Variants in PPP2R2B observed in about 807,000 individuals in gnomAD.
PPP2R2B encodes serine/threonine-protein phosphatase 2A 55 kDa regulatory subunit B beta isoform.
In PPP2R2B, 5 loss-of-function variants were observed where a neutral mutation model predicts 46.0. The observed-to-expected ratio is 0.11, with a 90% CI of 0.06 to 0.23. The LOEUF is 0.23. Among genes scored for constraint, PPP2R2B ranks in the 10% least tolerant of loss-of-function variants. The pLI is 1.00. For missense variants in PPP2R2B, 367 were observed against 575.0 expected, an observed-to-expected ratio of 0.64 and a Z score of 3.70; for synonymous variants, 215 against 206.7, an observed-to-expected ratio of 1.04 and a Z score of -0.34.
intron 1 of PPP2R2B, among the ~76,000 whole-genome samples, chr5:146,953,291 A>T (rs1051887877): frequency 1.3e-5 from 2 of 152,154 alleles, no homozygotes; most frequent in Admixed American, 1.3e-4. Context: ...TTACACAGAC[A>T]TATTTATATT....
intron 2 of PPP2R2B, among the ~76,000 whole-genome samples, chr5:146,776,030 T>C (rs1344657896): frequency 6.6e-6 from 1 of 152,146 alleles, no homozygotes; most frequent in African/African-American, 2.4e-5. Flanking sequence ...GACTTAATAC[T>C]GTTAAGATGA....
At chr5:146,609,186 T>C (rs1772599394) in intron 7 of PPP2R2B, among the ~76,000 whole-genome samples, 1 of 152,152 alleles carries the variant, frequency 6.6e-6, no homozygotes, top group Non-Finnish European at 1.5e-5. Flanking sequence ...AAACTGGATA[T>C]AGAAGAAACG....
chr5:147,034,241 T>C (rs1755930794), intron 1 of PPP2R2B, among the ~76,000 whole-genome samples: 1 of 152,224 alleles, frequency 6.6e-6, no homozygotes, highest in African/African-American at 2.4e-5. Context: ...GTCCTTCAAA[T>C]CTTTAGCTTC....
At chr5:146,856,465 C>T in intron 2 of PPP2R2B, 2 of 1,476,770 alleles carry the variant, frequency 1.4e-6, no homozygotes, top group Non-Finnish European at 1.9e-6. Context: ...GCTACTTTAT[C>T]AAGAAGAGTA....
At chr5:147,079,469 T>TATATATAC (rs1491141938) in intron 2 of PPP2R2B, among the ~76,000 whole-genome samples, 3,023 of 138,842 alleles carry the variant, frequency 0.022, 61 homozygotes, top group East Asian at 0.12. Flanking sequence ...TATATATATA[T>TATATATAC]ACATGTGCAA....
At chr5:146,898,112 G>A (rs1167126549) in intron 1 of PPP2R2B, among the ~76,000 whole-genome samples, 1 of 152,202 alleles carries the variant, frequency 6.6e-6, no homozygotes, top group Non-Finnish European at 1.5e-5. Flanking sequence ...TTGAACCAGG[G>A]AAGCGGAGGT....
rs60056635 is a variant in PPP2R2B at position 146,863,060 on chromosome 5, G to A, written c.70+14942C>T. ...TTTTTTTTTTTCCACAGTGCACAGA[G>A]ATTTGTAGGTCCTGGTGGGTGCTTA... On this transcript the variant is annotated intron_variant, in intron 2 of 9. Transcript: ENST00000394411. 1.5e-3 allele frequency among the ~76,000 whole-genome samples: 221 copies of A among 151,618 alleles called. 1 individual carries two copies. The East Asian group carries it at 0.02, about 13-fold the overall frequency.
At chr5:146,923,114 G>A (rs1280436634) in intron 1 of PPP2R2B, among the ~76,000 whole-genome samples, 2 of 152,142 alleles carry the variant, frequency 1.3e-5, no homozygotes, top group Non-Finnish European at 2.9e-5. Context: ...CTACATGAGA[G>A]TCTAAATTTC....
At chr5:146,655,712 G>A (rs192071626) in intron 5 of PPP2R2B, among the ~76,000 whole-genome samples, 5 of 152,308 alleles carry the variant, frequency 3.3e-5, no homozygotes, top group Non-Finnish European at 7.3e-5. Context: ...ACACTCAGAT[G>A]CTTGGGAGGC....
At chr5:146,977,736 T>C (rs538519062) in intron 1 of PPP2R2B, among the ~76,000 whole-genome samples, 2 of 152,326 alleles carry the variant, frequency 1.3e-5, no homozygotes, top group African/African-American at 4.8e-5. Context: ...TAGTATTCCA[T>C]GGTGTATATG....
At chr5:146,748,780 T>C (rs1334616417) in intron 2 of PPP2R2B, among the ~76,000 whole-genome samples, 1 of 152,218 alleles carries the variant, frequency 6.6e-6, no homozygotes, top group African/African-American at 2.4e-5. Flanking sequence ...TGTTCACACA[T>C]CTAAGAACAT....
chr5:147,004,883 A>G (rs933596718), intron 1 of PPP2R2B, among the ~76,000 whole-genome samples: 6 of 152,186 alleles, frequency 3.9e-5, no homozygotes, highest in African/African-American at 1.4e-4. Context: ...GGAAATTGAT[A>G]TAGTAGCAAA....
At chr5:146,852,276 GAGA>G (rs1469819830) in intron 2 of PPP2R2B, among the ~76,000 whole-genome samples, 2 of 152,090 alleles carry the variant, frequency 1.3e-5, no homozygotes, top group East Asian at 1.9e-4. Flanking sequence ...GTCTCCAATG[GAGA>G]AGAACAATCT....
At chr5:147,021,351 T>C (rs537054845) in intron 1 of PPP2R2B, among the ~76,000 whole-genome samples, 6 of 152,272 alleles carry the variant, frequency 3.9e-5, no homozygotes, top group South Asian at 2.1e-4. Context: ...GCAGCCATAA[T>C]TTGGAGGCAG....
rs182086204 is a variant in PPP2R2B at position 146,790,879 on chromosome 5, G to A, written c.70+87123C>T. The stretch of plus-strand genomic sequence containing the variant: ...GGACAGAATAAAATGAACTCTTGAG[G>A]AACAGTCAGACCTTCACATTTTGAT... On this transcript the variant is annotated intron_variant, in intron 2 of 9. Coordinates refer to ENST00000394411, the MANE Select transcript of PPP2R2B (RefSeq NM_181675.4). 3.4e-3 allele frequency among the ~76,000 whole-genome samples: 523 copies of A among 152,280 alleles called. 5 individuals carry two copies. The highest frequency in any genetic ancestry group is 8.7e-3 in the South Asian group (42 of 4,822).
intron 2 of PPP2R2B, among the ~76,000 whole-genome samples, chr5:146,789,648 C>CAATA (rs1479717221): frequency 6.6e-6 from 1 of 151,808 alleles, no homozygotes; most frequent in Non-Finnish European, 1.5e-5. Context: ...GAGAGAGAGG[C>CAATA]AATACATCTA....
intron 2 of PPP2R2B, among the ~76,000 whole-genome samples, chr5:146,796,670 A>G (rs1182023943): frequency 6.6e-6 from 1 of 152,190 alleles, no homozygotes; most frequent in Non-Finnish European, 1.5e-5. Flanking sequence ...ACAATTTGGG[A>G]AGTCCTATTT....
At chr5:147,071,497 C>T (rs1383324770) in intron 2 of PPP2R2B, among the ~76,000 whole-genome samples, 1 of 152,154 alleles carries the variant, frequency 6.6e-6, no homozygotes. Context: ...TTCACAACTT[C>T]CTCCTTTGCC....
rs765765717 is a variant in PPP2R2B, at chr5:146,701,147, AAAG to A, written c.71-8_71-6del. On this transcript the variant is annotated splice_polypyrimidine_tract_variant and splice_region_variant and intron_variant, in intron 2 of 9. Coordinates refer to ENST00000394411, the MANE Select transcript of PPP2R2B (RefSeq NM_181675.4). ...CTACCGTAGAGATAATGTCAGCTGC[AAAG>A]AAGAAGACAAAGGCAATTTAAGTAA... 23 of 1,608,510 alleles carry A rather than the reference AAAG, an allele frequency of 1.4e-5. No homozygotes were observed. Among genetic ancestry groups the A allele is most frequent in the African/African-American group, 2.7e-5 (2 of 74,934 alleles).
Sources: allele counts gnomAD v4.1 joint callset (sites outside exome capture counted in the v4.1 genomes callset), GRCh38; gene constraint gnomAD v4.1.1; transcripts MANE v1.5; gene names NCBI Gene and HGNC (gene_info 2026-07-23, HGNC 2026-07-21).